The following PSAP variants were observed in gnomAD, a reference collection of about 807,000 sequenced individuals.
PSAP encodes precursor of saposins.
Under a neutral mutation model 66.0 loss-of-function variants are expected in PSAP, and 25 were observed. That is an observed-to-expected ratio of 0.38 (90% CI 0.28 to 0.53). PSAP has a LOEUF of 0.53. Among genes scored for constraint, PSAP ranks in the 20% least tolerant of loss-of-function variants. PSAP has a pLI of 0.83. For missense variants in PSAP, 649 were observed against 668.8 expected (o/e 0.97, Z 0.33); for synonymous variants, 273 against 258.9 (o/e 1.05, Z -0.52).
At position 71,818,737 on chromosome 10, in the gene PSAP, A is replaced by G; in HGVS notation, c.1432-13T>C. On this transcript the variant is annotated splice_polypyrimidine_tract_variant and intron_variant, in intron 12 of 13. Transcript: ENST00000394936. ...AGGCTCCAATTTTCTATATGGTGAG[A>G]AAAGGAAAGAAGAAAGGGGGAGAAT... is the stretch of plus-strand genomic sequence containing the variant. The G allele has an allele frequency of 6.2e-7, 1 of 1,601,168 alleles. No homozygotes were observed. Among genetic ancestry groups the G allele is most frequent in the Non-Finnish European group, 8.6e-7 (1 of 1,168,252 alleles).
At position 71,819,493 on chromosome 10, in the gene PSAP, C is replaced by T. The variant is rs540436494; in HGVS notation, c.1322G>A (p.Ser441Asn). 2.5e-6 allele frequency: 4 copies of T among 1,614,250 alleles called. No homozygotes were observed. The East Asian group carries it at 8.9e-5, about 36-fold the overall frequency. The change falls in exon 11 of 14, where the codon AGC becomes AAC. Residue 441 changes from serine to asparagine, a missense_variant. By Grantham distance (46) the Ser-to-Asn change is conservative. Transcript: ENST00000394936. ...CTTCTGGTAAGGGTCTGGCAGGAAG[C>T]TGCAGCCTTTCTCAAGAGCAGCCAG... ...EILAALEKGC[S>N]FLPDPYQKQC...
At chr10:71,847,106 A>G (rs926924664) in intron 1 of PSAP, among the ~76,000 whole-genome samples, 32 of 152,156 alleles carry the variant, frequency 2.1e-4, no homozygotes, top group African/African-American at 7.0e-4. Context: ...CCTCATCTAC[A>G]AAATGCCACA....
chr10:71,830,797 A>T (rs952709841), intron 4 of PSAP, among the ~76,000 whole-genome samples: 4 of 152,232 alleles, frequency 2.6e-5, no homozygotes, highest in Non-Finnish European at 5.9e-5. Flanking sequence ...AATTCACAGA[A>T]GTGAGGTTTT....
intron 1 of PSAP, among the ~76,000 whole-genome samples, chr10:71,849,122 T>A (rs1450482156): frequency 6.6e-6 from 1 of 152,048 alleles, no homozygotes; most frequent in Admixed American, 6.6e-5. Context: ...AGAAAAAAAA[T>A]TGCCCTGAAT....
At chr10:71,850,205 G>T (rs959732738) in intron 1 of PSAP, among the ~76,000 whole-genome samples, 3 of 152,148 alleles carry the variant, frequency 2.0e-5, no homozygotes, top group African/African-American at 7.2e-5. Flanking sequence ...AGATCCAGGA[G>T]ATAATCAACT....
At chr10:71,823,612 G>A (rs961214589) in intron 7 of PSAP, among the ~76,000 whole-genome samples, 11 of 152,282 alleles carry the variant, frequency 7.2e-5, no homozygotes, top group South Asian at 4.1e-4. Flanking sequence ...CTGCATGTAC[G>A]TATGCTGTAT....
intron 1 of PSAP, among the ~76,000 whole-genome samples, chr10:71,835,962 C>T (rs1305584592): frequency 6.6e-6 from 1 of 152,054 alleles, no homozygotes; most frequent in Admixed American, 6.5e-5. Context: ...TTGTATAGGT[C>T]AGTACGTGTT....
chr10:71,849,487 G>A (rs954998452), intron 1 of PSAP, among the ~76,000 whole-genome samples: 3 of 151,912 alleles, frequency 2.0e-5, no homozygotes, highest in Non-Finnish European at 4.4e-5. Flanking sequence ...TGTAATCCCA[G>A]AACTTTGGGA....
At chr10:71,842,605 G>C (rs147395939) in intron 1 of PSAP, among the ~76,000 whole-genome samples, 6 of 152,174 alleles carry the variant, frequency 3.9e-5, no homozygotes, top group African/African-American at 1.4e-4. Flanking sequence ...ACCAAAAGTG[G>C]GAGGGATAAT....
intron 5 of PSAP, 150 bp from the exon 6 acceptor site, chr10:71,828,307 A>G (rs963711890): frequency 3.9e-5 from 33 of 846,972 alleles, no homozygotes; most frequent in South Asian, 2.7e-4. Flanking sequence ...TAGGCTTAAA[A>G]TCGATTAAGT....
intron 1 of PSAP, among the ~76,000 whole-genome samples, chr10:71,846,407 T>C (rs1178959783): frequency 6.8e-6 from 1 of 147,100 alleles, no homozygotes; most frequent in Admixed American, 6.8e-5. Flanking sequence ...GTATTTATCA[T>C]CATTGTTTTA....
chr10:71,833,041 AAAACAG>A, intron 2 of PSAP, among the ~76,000 whole-genome samples: 2 of 148,550 alleles, frequency 1.3e-5, no homozygotes, highest in African/African-American at 5.0e-5. Context: ...ACAAAAAACA[AAAACAG>A]AAGGCCGGGC....
intron 1 of PSAP, among the ~76,000 whole-genome samples, chr10:71,850,789 G>A (rs1842911790): frequency 6.6e-6 from 1 of 152,270 alleles, no homozygotes; most frequent in African/African-American, 2.4e-5. Context: ...GCGGGACGGG[G>A]CTCCAGCCCA....
intron 1 of PSAP, among the ~76,000 whole-genome samples, chr10:71,848,676 A>G (rs1383672089): frequency 6.6e-6 from 1 of 152,238 alleles, no homozygotes; most frequent in Admixed American, 6.5e-5. Context: ...TGTCACGAAG[A>G]AAGTTCTAAG....
Position 71,828,804 on chromosome 10 carries a change from C to T in PSAP, c.576+73G>A, listed in dbSNP as rs957321310. On this transcript the variant is annotated intron_variant, in intron 5 of 13. Transcript: ENST00000394936. The stretch of plus-strand genomic sequence containing the variant: ...CCCCAGTTTAAGAACCACACGTGCC[C>T]TCTCTGTCCCTTTGGTCTCTCATCT... 61 of 1,549,160 alleles carry T rather than the reference C, an allele frequency of 3.9e-5. 1 individual carries two copies. In the South Asian group the frequency reaches 4.5e-4, roughly 12 times the overall value.
Position 71,851,176 on chromosome 10 carries a change from G to A in PSAP, c.40+6C>T, listed in dbSNP as rs2133075231. The A allele has an allele frequency of 2.6e-6, 4 of 1,551,026 alleles. No individual in the cohort carries two copies. Among genetic ancestry groups the A allele is most frequent in the Non-Finnish European group, 3.5e-6 (4 of 1,146,810 alleles). On this transcript the variant is annotated splice_donor_region_variant and intron_variant, in intron 1 of 13. Transcript: ENST00000394936. ...TCCTCCCCAGGATGAGGGTCCCAGGGCTTACCCGCGCCCAGGAGGCTGGCC... is the reference window on the plus strand; with the variant it reads ...TCCTCCCCAGGATGAGGGTCCCAGGACTTACCCGCGCCCAGGAGGCTGGCC...
At chr10:71,844,656 ACT>A (rs957108397) in intron 1 of PSAP, 8 of 152,146 alleles carry the variant, frequency 5.3e-5, no homozygotes, top group African/African-American at 1.9e-4. Flanking sequence ...ACAGAGCAAG[ACT>A]CTGTGTCAAA....
chr10:71,842,290 G>C (rs1173884860), intron 1 of PSAP, among the ~76,000 whole-genome samples: 3 of 152,144 alleles, frequency 2.0e-5, no homozygotes, highest in African/African-American at 7.2e-5. Context: ...GGTGTTAAAA[G>C]GATTGCAAAA....
chr10:71,847,518 A>T (rs1292286367), intron 1 of PSAP, among the ~76,000 whole-genome samples: 1 of 152,118 alleles, frequency 6.6e-6, no homozygotes, highest in Non-Finnish European at 1.5e-5. Context: ...ACTGCACACC[A>T]GCCTGGGGAC....
Sources: allele counts gnomAD v4.1 joint callset (sites outside exome capture counted in the v4.1 genomes callset), GRCh38; gene constraint gnomAD v4.1.1; transcripts MANE v1.5; gene names NCBI Gene and HGNC (gene_info 2026-07-23, HGNC 2026-07-21).